CELSR1: variants seen among roughly 807,000 people sequenced by gnomAD.
The protein encoded by CELSR1 is adhesion G protein-coupled receptor C1.
CELSR1 carries 110 observed loss-of-function variants against 249.1 expected under a neutral mutation model. The ratio of observed to expected loss-of-function variants is 0.44; its 90% confidence interval spans 0.38 to 0.52. The LOEUF is 0.52. Ranked by LOEUF, CELSR1 falls within the 20% of genes least tolerant of loss-of-function variation. The pLI is 0.00. For synonymous variants in CELSR1, 2,113 were observed against 1,900.0 expected (o/e 1.11, Z -2.92); for missense variants, 4,109 against 4,296.4 (o/e 0.96, Z 1.22).
rs1189656048 is a variant in CELSR1, at chr22:46,385,910, C to CT, written c.6739+491_6739+492insA. ...GCCAGGATGGTCTTGATCTCCTGAC[C>CT]CTGTGATCCGCCCACCTTGGCCTCC... is the stretch of plus-strand genomic sequence containing the variant. On this transcript the variant is annotated intron_variant, in intron 19 of 34. Coordinates refer to ENST00000674500, the MANE Select transcript of CELSR1 (RefSeq NM_001378328.1). Among the ~76,000 whole-genome samples the CT allele has an allele frequency of 8.9e-4, 135 of 151,344 alleles. 1 individual carries two copies. Among genetic ancestry groups the CT allele is most frequent in the African/African-American group, 3.0e-3 (124 of 40,918 alleles).
At position 46,363,563 on chromosome 22, in the gene CELSR1, G is replaced by A; in HGVS notation, c.9036-316C>T. ...GACCTGGCTTCTCCCTTGTGAGTTTGGAGGGAGGGAGGGGCGACAGGGAGA... is the reference window on the plus strand; with the variant it reads ...GACCTGGCTTCTCCCTTGTGAGTTTAGAGGGAGGGAGGGGCGACAGGGAGA... On this transcript the variant is annotated intron_variant, in intron 34 of 34. Transcript: ENST00000674500. This position sits in a 1 kb window ranked among gnomAD's most constrained non-coding sequence, Gnocchi z 4.3. 1 of 346,602 alleles carries A rather than the reference G, an allele frequency of 2.9e-6. No individual in the cohort carries two copies. Among genetic ancestry groups the A allele is most frequent in the Non-Finnish European group, 5.3e-6 (1 of 187,356 alleles). 21.5% of individuals were successfully genotyped at this position (346,602 alleles called of 1,614,324 possible).
rs1421741842 is a variant in CELSR1, at chr22:46,406,647, G to C, written c.5226+2349C>G. Among the ~76,000 whole-genome samples, 1 of 152,240 alleles carries C rather than the reference G, an allele frequency of 6.6e-6. No homozygotes were observed. The highest frequency in any genetic ancestry group is 1.5e-5 in the Non-Finnish European group (1 of 68,042). On this transcript the variant is annotated intron_variant, in intron 9 of 34. Coordinates refer to ENST00000674500, the MANE Select transcript of CELSR1 (RefSeq NM_001378328.1). This position sits in a 1 kb window ranked among gnomAD's most constrained non-coding sequence, Gnocchi z 5.4. Reference sequence around the variant, plus strand: ...ATGCCAATCTTGGCTATACAGAACTGTTTCTAGATGGGCTGTCCTTAGGAG... The same window carrying C: ...ATGCCAATCTTGGCTATACAGAACTCTTTCTAGATGGGCTGTCCTTAGGAG...
At position 46,391,935 on chromosome 22, in the gene CELSR1, A is replaced by G. The variant is rs9615978; in HGVS notation, c.5965-119T>C. The G allele has an allele frequency of 0.16, 177,153 of 1,076,770 alleles. 19,773 individuals are homozygous for G. Among genetic ancestry groups the G allele is most frequent in the African/African-American group, 0.53 (32,516 of 60,904 alleles). 66.7% of individuals were successfully genotyped at this position (1,076,770 alleles called of 1,614,324 possible). On this transcript the variant is annotated intron_variant, in intron 14 of 34. Coordinates refer to ENST00000674500, the MANE Select transcript of CELSR1 (RefSeq NM_001378328.1). This position sits in a 1 kb window ranked among gnomAD's most constrained non-coding sequence, Gnocchi z 4.3. ...CGGGTGTGTGTGTTGGCCGCCAGCC[A>G]TCCCACCCCTCATGGCTACCCTCTG... is the stretch of plus-strand genomic sequence containing the variant.
chr22:46,532,638 A>G lies in CELSR1; in HGVS notation c.3544+989T>C, dbSNP rs148863499. On this transcript the variant is annotated intron_variant, in intron 1 of 34. Coordinates refer to ENST00000674500, the MANE Select transcript of CELSR1 (RefSeq NM_001378328.1). ...AAACACTGACTCAAACAGCCAGCCA[A>G]TCTGAGCTCTTCTTGGCAGTAGTTT... Among the ~76,000 whole-genome samples, 17 of 152,292 alleles carry G rather than the reference A, an allele frequency of 1.1e-4. No homozygotes were observed. In the East Asian group the frequency reaches 3.1e-3, roughly 28 times the overall value.
At chr22:46,420,521 A>G (rs2079457734) in intron 5 of CELSR1, among the ~76,000 whole-genome samples, 1 of 152,098 alleles carries the variant, frequency 6.6e-6, no homozygotes, top group African/African-American at 2.4e-5. Context: ...CACTCACATC[A>G]TTCATACTTG....
At chr22:46,375,174 G>A (rs1238492804) in intron 24 of CELSR1, among the ~76,000 whole-genome samples, 3 of 152,180 alleles carry the variant, frequency 2.0e-5, no homozygotes, top group Non-Finnish European at 1.5e-5. Context: ...GTTCCAGCCT[G>A]GTCTTTTTAT....
intron 23 of CELSR1, 62 bp downstream of exon 23, chr22:46,378,529 G>A (rs898510727): frequency 1.4e-5 from 21 of 1,518,590 alleles, no homozygotes; most frequent in Non-Finnish European, 1.8e-5. Flanking sequence ...TGCAGGTTTG[G>A]GGGGGAGGGG....
intron 1 of CELSR1, among the ~76,000 whole-genome samples, chr22:46,523,774 C>T (rs1305977019): frequency 6.6e-6 from 1 of 152,134 alleles, no homozygotes; most frequent in African/African-American, 2.4e-5. Flanking sequence ...GAGCCTCCAG[C>T]TCTGACCAGT....
chr22:46,474,109 C>CGTGCT (rs1213343423), intron 1 of CELSR1, among the ~76,000 whole-genome samples: 1 of 152,158 alleles, frequency 6.6e-6, no homozygotes, highest in African/African-American at 2.4e-5. Context: ...GAAAGGCCCA[C>CGTGCT]GTGCTGCTCA....
At position 46,489,989 on chromosome 22, in the gene CELSR1, T is replaced by C. The variant is rs146442404; in HGVS notation, c.3545-25644A>G. Among the ~76,000 whole-genome samples, 12 of 152,054 alleles carry C rather than the reference T, an allele frequency of 7.9e-5. No individual in the cohort carries two copies. In the East Asian group the frequency reaches 2.1e-3, roughly 27 times the overall value. ...CAGATGCGCTGCCCAGCCTGGTTAGTGGGAAAGCGTCCTCCTGGCCATCTC... is the reference window on the plus strand; with the variant it reads ...CAGATGCGCTGCCCAGCCTGGTTAGCGGGAAAGCGTCCTCCTGGCCATCTC... On this transcript the variant is annotated intron_variant, in intron 1 of 34. Coordinates refer to ENST00000674500, the MANE Select transcript of CELSR1 (RefSeq NM_001378328.1).
chr22:46,397,277 C>CTTTTT (rs528088887), intron 12 of CELSR1, among the ~76,000 whole-genome samples: 12 of 78,746 alleles, frequency 1.5e-4, no homozygotes, highest in Non-Finnish European at 2.9e-4. Flanking sequence ...CTAATTTTTG[C>CTTTTT]TTTTTTTTTT....
At position 46,536,719 on chromosome 22, in the gene CELSR1, G is replaced by C; in HGVS notation, c.452C>G (p.Thr151Ser). The change falls in exon 1 of 35, where the codon ACC becomes AGC. Residue 151 changes from threonine (T) to serine (S), a missense_variant. Transcript: ENST00000674500. The part of the protein sequence containing the change: ...AAQHSALAAP[T>S]TLPACRCPPR... ...CGGGCAGCGGCAGGCGGGTAAGGTG[G>C]TCGGAGCTGCGAGCGCCGAATGCTG... 8.5e-7 allele frequency: 1 copy of C among 1,177,696 alleles called. No individual in the cohort carries two copies. The highest frequency in any genetic ancestry group is 3.8e-5 in the East Asian group (1 of 25,992). The allele number at this position is 1,177,696 out of a possible 1,614,324, so 73.0% of individuals were successfully genotyped here.
chr22:46,403,991 GA>G (rs2079237445), intron 9 of CELSR1, among the ~76,000 whole-genome samples: 1 of 123,870 alleles, frequency 8.1e-6, no homozygotes, highest in East Asian at 2.4e-4. Flanking sequence ...AAAAAAAAAA[GA>G]AAAAAAGAAA....
rs191940401 is a variant in CELSR1, at chr22:46,497,584, G to C, written c.3545-33239C>G. 7.9e-5 allele frequency among the ~76,000 whole-genome samples: 12 copies of C among 152,286 alleles called. No individual in the cohort carries two copies. The South Asian group carries it at 2.5e-3, about 32-fold the overall frequency. On this transcript the variant is annotated intron_variant, in intron 1 of 34. Coordinates refer to ENST00000674500, the MANE Select transcript of CELSR1 (RefSeq NM_001378328.1). ...TGTATTCTCCTGCTCTCTTCTTTTA[G>C]AAGGACTTGCCATTGGAGTTAGGGC...
chr22:46,497,986 C>G (rs577623267), intron 1 of CELSR1, among the ~76,000 whole-genome samples: 1 of 151,610 alleles, frequency 6.6e-6, no homozygotes, highest in Non-Finnish European at 1.5e-5. Flanking sequence ...CGGTGGCTCA[C>G]GCTTGTAATC....
rs192634695 is a variant in CELSR1 at position 46,391,480 on chromosome 22, C to T, written c.6148+153G>A. On this transcript the variant is annotated intron_variant, in intron 15 of 34. Transcript: ENST00000674500. This position sits in a 1 kb window ranked among gnomAD's most constrained non-coding sequence, Gnocchi z 4.3. ...CCAGGCTCTGACCCACACCCCCTCA[C>T]GCAGAACCAGGTTTCTAGAAGGTCA... 1.0e-3 allele frequency among the ~76,000 whole-genome samples: 156 copies of T among 152,190 alleles called. No individual in the cohort carries two copies. Among genetic ancestry groups the T allele is most frequent in the African/African-American group, 3.3e-3 (139 of 41,516 alleles).
intron 2 of CELSR1, 25 bp from the exon 3 acceptor site, chr22:46,439,436 G>C: frequency 6.3e-7 from 1 of 1,588,624 alleles, no homozygotes; most frequent in Non-Finnish European, 8.6e-7. Flanking sequence ...GAAGATGCCA[G>C]AGAGGAGGTT....
rs999018104 is a variant in CELSR1, at chr22:46,395,424, A to G, written c.5844-1162T>C. ...ACCCAGGCCTCTCTAGATCAGCCTC[A>G]TCCCCTTACTCCTCTCCAGCTTGGC... On this transcript the variant is annotated intron_variant, in intron 13 of 34. Coordinates refer to ENST00000674500, the MANE Select transcript of CELSR1 (RefSeq NM_001378328.1). The surrounding 1 kb of genome is among the most constrained non-coding windows in gnomAD (Gnocchi z 5.5). Among the ~76,000 whole-genome samples the G allele has an allele frequency of 6.6e-6, 1 of 151,930 alleles. No individual in the cohort carries two copies. The highest frequency in any genetic ancestry group is 1.5e-5 in the Non-Finnish European group (1 of 67,976).
intron 1 of CELSR1, among the ~76,000 whole-genome samples, 154 bp downstream of exon 1, chr22:46,533,473 C>G (rs1269179942): frequency 6.6e-6 from 1 of 152,248 alleles, no homozygotes; most frequent in African/African-American, 2.4e-5. Context: ...GGGCGCCCAC[C>G]CCCAGCATCC....
Sources: allele counts gnomAD v4.1 joint callset (sites outside exome capture counted in the v4.1 genomes callset), GRCh38; gene constraint gnomAD v4.1.1; non-coding constraint Gnocchi (gnomAD v3.1); transcripts MANE v1.5; gene names NCBI Gene and HGNC (gene_info 2026-07-23, HGNC 2026-07-21).